ZNF469: variants seen among roughly 807,000 people sequenced by gnomAD.
The protein encoded by ZNF469 is zinc finger protein 469.
Under a neutral mutation model 1.0 loss-of-function variants are expected in ZNF469, and 1 was observed. That is an observed-to-expected ratio of 1.00 (90% CI 0.35 to 4.73). The LOEUF is 4.73. Among genes scored for constraint, ZNF469 ranks in the 30% most tolerant of loss-of-function variants. ZNF469 has a pLI of 0.16. For synonymous variants in ZNF469, 2,703 were observed against 2,363.4 expected, an observed-to-expected ratio of 1.14 and a Z score of -4.17; for missense variants, 6,100 against 5,356.3, an observed-to-expected ratio of 1.14 and a Z score of -4.33.
chr16:88,272,709 G>C, the ZNF469 span, among the ~76,000 whole-genome samples: 31 of 151,852 alleles, frequency 2.0e-4, no homozygotes, highest in South Asian at 6.5e-3. Flanking sequence ...TGGATGAACG[G>C]GTGGGTGTAT....
chr16:88,256,906 CTT>C, the ZNF469 span, among the ~76,000 whole-genome samples: 189 of 7,864 alleles, frequency 0.024, no homozygotes, highest in Non-Finnish European at 0.035. Context: ...TTCTTTCTTT[CTT>C]TCTTTCTTTC....
At chr16:88,290,313 C>T in the ZNF469 span, among the ~76,000 whole-genome samples, 1 of 152,212 alleles carries the variant, frequency 6.6e-6, no homozygotes, top group Non-Finnish European at 1.5e-5. Flanking sequence ...TTCTCACTTC[C>T]TCATAAGCTG....
At chr16:88,395,839 C>T (rs940552151) in intron 1 of ZNF469, among the ~76,000 whole-genome samples, 2 of 152,176 alleles carry the variant, frequency 1.3e-5, no homozygotes, top group Non-Finnish European at 2.9e-5. Flanking sequence ...GGCATCAGGC[C>T]GCACGTCTTT....
the ZNF469 span, among the ~76,000 whole-genome samples, chr16:88,108,009 A>G: frequency 6.6e-6 from 1 of 152,224 alleles, no homozygotes; most frequent in African/African-American, 2.4e-5. Context: ...TGCGATCTGT[A>G]TGTCATTTGG....
At chr16:88,250,438 T>G in the ZNF469 span, among the ~76,000 whole-genome samples, 1 of 152,374 alleles carries the variant, frequency 6.6e-6, no homozygotes, top group South Asian at 2.1e-4. Flanking sequence ...ATAAAACAGT[T>G]TGTTTATCCA....
chr16:88,314,126 G>T, the ZNF469 span, among the ~76,000 whole-genome samples: 4 of 138,196 alleles, frequency 2.9e-5, no homozygotes, highest in East Asian at 8.0e-4. Context: ...CTGTAATTCA[G>T]GCAGTGCTGG....
intron 1 of ZNF469, among the ~76,000 whole-genome samples, chr16:88,423,631 G>A (rs1022546541): frequency 2.6e-5 from 4 of 152,180 alleles, no homozygotes; most frequent in African/African-American, 9.7e-5. Context: ...ACAAGGTTGC[G>A]GTCAGAATGT....
Position 88,437,651 on chromosome 16 carries a change from C to T in ZNF469, c.10181C>T (p.Pro3394Leu), listed in dbSNP as rs1906689587. The change falls in exon 3 of 3, where the codon CCG (proline) becomes CTG (leucine). Residue 3394 changes from proline (P) to leucine (L), a missense_variant. Pro to Leu is a moderately conservative substitution (Grantham distance 98, BLOSUM62 -3). Coordinates refer to ENST00000565624, the MANE Select transcript of ZNF469 (RefSeq NM_001367624.2). Reference protein sequence around the residue: ...LGGAHGLLERPELQHTPLYAC... With the variant: ...LGGAHGLLERLELQHTPLYAC... ...GGGGCGCACGGGCTGCTGGAGCGGC[C>T]GGAGCTGCAGCACACGCCGCTGTAT... 5.8e-6 allele frequency: 9 copies of T among 1,544,320 alleles called. No individual in the cohort carries two copies. The highest frequency in any genetic ancestry group is 7.9e-6 in the Non-Finnish European group (9 of 1,142,662).
At chr16:88,102,608 G>A in the ZNF469 span, among the ~76,000 whole-genome samples, 11 of 152,364 alleles carry the variant, frequency 7.2e-5, no homozygotes, top group Non-Finnish European at 7.3e-5. Flanking sequence ...GCCACCCTTC[G>A]GCTCTGGTCC....
rs1188207144 is a variant in ZNF469, at chr16:88,428,208, T to G, written c.738T>G (p.Ala246=). ...PPAAENSFPG[A]NFGVPPAEPE... Reference sequence around the variant, plus strand: ...CTGCTGAGAATAGCTTCCCAGGTGCTAATTTCGGGGTTCCCCCCGCCGAGC... The same window carrying G: ...CTGCTGAGAATAGCTTCCCAGGTGCGAATTTCGGGGTTCCCCCCGCCGAGC... Residue 246 remains alanine (A), a synonymous_variant, in exon 3 of 3, where the codon GCT becomes GCG. Transcript: ENST00000565624. 2 of 1,550,228 alleles carry G rather than the reference T, an allele frequency of 1.3e-6. No individual in the cohort carries two copies. The highest frequency in any genetic ancestry group is 1.7e-6 in the Non-Finnish European group (2 of 1,146,918).
the ZNF469 span, among the ~76,000 whole-genome samples, chr16:88,236,759 C>A: frequency 1.9e-3 from 295 of 151,866 alleles, 1 homozygote; most frequent in Admixed American, 5.0e-3. Context: ...CTCAGCTACT[C>A]TGGAGGCTGA....
chr16:88,353,468 C>T, the ZNF469 span, among the ~76,000 whole-genome samples: 30 of 152,338 alleles, frequency 2.0e-4, no homozygotes, highest in African/African-American at 6.7e-4. Flanking sequence ...GCCCCCTTCA[C>T]GCTGTACAGA....
the ZNF469 span, among the ~76,000 whole-genome samples, chr16:88,321,593 TA>T: frequency 6.8e-6 from 1 of 147,702 alleles, no homozygotes; most frequent in Non-Finnish European, 1.5e-5. Flanking sequence ...CATAAGGCCT[TA>T]CCTGATTGGT....
Position 88,427,388 on chromosome 16 carries a change from G to A in ZNF469, c.-83G>A, listed in dbSNP as rs188198388. ...AGCGCAGGCTTCCCTGGGGCCCATC[G>A]AGGGCTGAGGATGGCCGTCCAGCCC... On this transcript the variant is annotated 5_prime_UTR_variant, in exon 3 of 3. Coordinates refer to ENST00000565624, the MANE Select transcript of ZNF469 (RefSeq NM_001367624.2). 249 of 1,349,470 alleles carry A rather than the reference G, an allele frequency of 1.8e-4. No homozygotes were observed. The African/African-American group carries it at 3.0e-3, about 16-fold the overall frequency. The allele number at this position is 1,349,470 out of a possible 1,614,324, so 83.6% of individuals were successfully genotyped here.
chr16:88,345,168 C>G, the ZNF469 span, among the ~76,000 whole-genome samples: 9,894 of 152,294 alleles, frequency 0.065, 396 homozygotes, highest in East Asian at 0.13. Context: ...AGCCAGCCCC[C>G]TCCCGGGCAC....
chr16:88,307,313 G>A, the ZNF469 span, among the ~76,000 whole-genome samples: 3,482 of 152,246 alleles, frequency 0.023, 133 homozygotes, highest in African/African-American at 0.077. Flanking sequence ...TTGTGTACCC[G>A]TTTTTATGTG....
At chr16:88,369,964 T>A in the ZNF469 span, among the ~76,000 whole-genome samples, 1 of 152,242 alleles carries the variant, frequency 6.6e-6, no homozygotes, top group African/African-American at 2.4e-5. Flanking sequence ...GCCACTGCTT[T>A]TAATTGCATT....
At chr16:88,205,592 A>G in the ZNF469 span, among the ~76,000 whole-genome samples, 5 of 152,328 alleles carry the variant, frequency 3.3e-5, no homozygotes, top group South Asian at 1.0e-3. The surrounding 1 kb of genome is among the most constrained non-coding windows in gnomAD (Gnocchi z 4.2). Flanking sequence ...AGAATTCTCT[A>G]TAAAAACACA....
intron 1 of ZNF469, among the ~76,000 whole-genome samples, chr16:88,385,763 G>A (rs1025259998): frequency 3.3e-5 from 5 of 152,284 alleles, no homozygotes; most frequent in African/African-American, 1.2e-4. Context: ...GCTGCTAGGG[G>A]CTGTGTGGCC....
Sources: gnomAD v4.1 joint callset for allele counts (sites outside exome capture counted in the v4.1 genomes callset) on GRCh38, gnomAD v4.1.1 for gene constraint, Gnocchi (gnomAD v3.1) non-coding constraint, MANE v1.5 for transcripts, NCBI Gene and HGNC (gene_info 2026-07-23, HGNC 2026-07-21) for gene names.